Variants in CLDN2 observed in about 807,000 individuals in gnomAD.
CLDN2 encodes the protein claudin 2.
Under a neutral mutation model 8.2 loss-of-function variants are expected in CLDN2, and 1 was observed. The ratio of observed to expected loss-of-function variants is 0.12; its 90% CI spans 0.04 to 0.58. The LOEUF (loss-of-function observed/expected upper bound fraction) is 0.58, where lower values mean the gene tolerates loss of function less well. Among genes scored for constraint, CLDN2 ranks in the 20% least tolerant of loss-of-function variants. CLDN2 has a pLI of 0.90. For synonymous variants in CLDN2, 70 were observed against 70.2 expected, an observed-to-expected ratio of 1.00 and a Z score of 0.01; for missense variants, 108 against 172.9, an observed-to-expected ratio of 0.62 and a Z score of 2.11.
rs1016465854 is a variant in CLDN2 at position 106,929,016 on chromosome X, G to C, written c.*95G>C. 19 of 723,405 alleles carry C rather than the reference G, an allele frequency of 2.6e-5. No individual in the cohort carries two copies. Among genetic ancestry groups the C allele is most frequent in the Admixed American group, 2.2e-4 (7 of 31,977 alleles). 59.6% of individuals were successfully genotyped at this position (723,405 alleles called of 1,213,427 possible). A position where few individuals can be genotyped will look rare whatever the true frequency, so the allele number is the denominator to read the frequency against. On this transcript the variant is annotated 3_prime_UTR_variant, in exon 2 of 2. Coordinates refer to ENST00000336803, the MANE Select transcript of CLDN2 (RefSeq NM_020384.4). ...AGGTGAGGGACACTACCACTGGATC[G>C]TGTCAGAAGGTGCTGCTGAGGATAG...
chrX:106,912,208 G>A (rs1181901745), intron 1 of CLDN2, among the ~76,000 whole-genome samples: 4 of 110,919 alleles, frequency 3.6e-5, no homozygotes, highest in Non-Finnish European at 5.7e-5. Flanking sequence ...GCCTAGACCA[G>A]CAGCCCTAAA....
intron 1 of CLDN2, among the ~76,000 whole-genome samples, chrX:106,913,217 C>A (rs1933268298): frequency 9.0e-6 from 1 of 111,382 alleles, no homozygotes; most frequent in Admixed American, 9.5e-5. Flanking sequence ...GCCTCAACCT[C>A]CCAAGTAGCT....
intron 1 of CLDN2, among the ~76,000 whole-genome samples, chrX:106,901,280 G>A (rs185344292): frequency 1.1e-4 from 12 of 111,803 alleles, no homozygotes; most frequent in African/African-American, 3.9e-4. Flanking sequence ...TCATTCTTGG[G>A]CATCGTTAAC....
chrX:106,900,324 C>T (rs1569284378), exon 1 of CLDN2: 1 of 115,081 alleles, frequency 8.7e-6, no homozygotes, highest in Non-Finnish European at 1.8e-5. Flanking sequence ...CCTGGGAAGG[C>T]TAGGGAGTCA....
At chrX:106,912,362 T>C (rs912973638) in intron 1 of CLDN2, among the ~76,000 whole-genome samples, 1 of 110,098 alleles carries the variant, frequency 9.1e-6, no homozygotes, top group African/African-American at 3.3e-5. Flanking sequence ...GAAAAGCACT[T>C]GCACAATTGA....
intron 1 of CLDN2, among the ~76,000 whole-genome samples, chrX:106,909,450 G>A (rs1012900395): frequency 1.8e-5 from 2 of 111,427 alleles, no homozygotes; most frequent in African/African-American, 6.5e-5. Flanking sequence ...AACGTTGAAT[G>A]CCAGGTTGAA....
chrX:106,920,967 G>A (rs929204238), intron 1 of CLDN2, among the ~76,000 whole-genome samples: 1 of 111,388 alleles, frequency 9.0e-6, no homozygotes, highest in African/African-American at 3.3e-5. Context: ...GGTAGCAGAA[G>A]GTGGGTTCCT....
chrX:106,928,138 A>C lies in CLDN2; in HGVS notation c.-91A>C. 3.0e-6 allele frequency: 2 copies of C among 676,237 alleles called. No homozygotes were observed. Among genetic ancestry groups the C allele is most frequent in the Non-Finnish European group, 4.5e-6 (2 of 448,183 alleles). 55.7% of individuals were successfully genotyped at this position (676,237 alleles called of 1,213,427 possible). On this transcript the variant is annotated 5_prime_UTR_variant, in exon 2 of 2. An upstream open reading frame in the 5' UTR loses its in-frame stop. Transcript: ENST00000336803. Reference sequence around the variant, plus strand: ...AAGTCAGCCTGGCAGAGAGACTCTGAAATGAGGGATTAGAGGTGTTCAAGG... The same window carrying C: ...AAGTCAGCCTGGCAGAGAGACTCTGCAATGAGGGATTAGAGGTGTTCAAGG...
intron 1 of CLDN2, chrX:106,901,336 TG>T: frequency 1.6e-6 from 1 of 615,049 alleles, no homozygotes; most frequent in Non-Finnish European, 2.6e-6. Context: ...TTAACCTCTC[TG>T]GGCTCCAGTT....
intron 1 of CLDN2, among the ~76,000 whole-genome samples, chrX:106,927,309 C>A (rs373548152): frequency 1.3e-4 from 15 of 111,328 alleles, no homozygotes; most frequent in East Asian, 2.9e-4. Context: ...TCTTGTCCCC[C>A]CTAACAGATG....
intron 1 of CLDN2, among the ~76,000 whole-genome samples, chrX:106,927,180 G>A (rs976626940): frequency 3.6e-5 from 4 of 111,647 alleles, no homozygotes; most frequent in Non-Finnish European, 7.5e-5. Flanking sequence ...GCAACACCGA[G>A]GGCTCCTTGA....
At chrX:106,906,619 C>G (rs779472951) in intron 1 of CLDN2, among the ~76,000 whole-genome samples, 122 of 111,355 alleles carry the variant, frequency 1.1e-3, no homozygotes, top group African/African-American at 3.5e-3. Context: ...CCCACTCCCC[C>G]CTCAAACTTG....
rs1006233291 is a variant in CLDN2, at chrX:106,928,167, A to T, written c.-62A>T. 3.4e-6 allele frequency: 3 copies of T among 891,470 alleles called. No individual in the cohort carries two copies. The African/African-American group carries it at 6.0e-5, about 18-fold the overall frequency. 73.5% of individuals were successfully genotyped at this position (891,470 alleles called of 1,213,427 possible). A position where few individuals can be genotyped will look rare whatever the true frequency, so the allele number is the denominator to read the frequency against. On this transcript the variant is annotated 5_prime_UTR_variant, in exon 2 of 2. Coordinates refer to ENST00000336803, the MANE Select transcript of CLDN2 (RefSeq NM_020384.4). ...GAGGGATTAGAGGTGTTCAAGGAGC[A>T]AGAGCTTCAGCCTGAAGACAAGGGA...
At chrX:106,906,399 G>C (rs1038287749) in intron 1 of CLDN2, among the ~76,000 whole-genome samples, 1 of 111,156 alleles carries the variant, frequency 9.0e-6, no homozygotes, top group Non-Finnish European at 1.9e-5. Flanking sequence ...ATCAATCTCA[G>C]TTGACCCCAG....
upstream of CLDN2, among the ~76,000 whole-genome samples, chrX:106,917,472 A>T (rs12008279): frequency 9.1e-6 from 1 of 110,416 alleles, no homozygotes; most frequent in Admixed American, 9.6e-5. Context: ...GTCATTGGTA[A>T]CTGTGACAAG....
At chrX:106,909,350 C>A (rs1206354171) in intron 1 of CLDN2, among the ~76,000 whole-genome samples, 1 of 111,458 alleles carries the variant, frequency 9.0e-6, no homozygotes, top group Non-Finnish European at 1.9e-5. Flanking sequence ...AACCACTGCC[C>A]AGCCCTATCC....
chrX:106,923,530 C>A (rs760533806), intron 1 of CLDN2, among the ~76,000 whole-genome samples: 1 of 111,636 alleles, frequency 9.0e-6, no homozygotes, highest in Admixed American at 9.5e-5. Flanking sequence ...TTTTTGAAGG[C>A]AGACCTGATG....
At chrX:106,905,393 C>T (rs1187161851) in intron 1 of CLDN2, among the ~76,000 whole-genome samples, 1 of 112,228 alleles carries the variant, frequency 8.9e-6, no homozygotes, top group African/African-American at 3.2e-5. Flanking sequence ...TTTCTAAGTG[C>T]AAGATAGATC....
upstream of CLDN2, among the ~76,000 whole-genome samples, chrX:106,915,233 T>C (rs1198480179): frequency 8.9e-6 from 1 of 112,371 alleles, no homozygotes; most frequent in Non-Finnish European, 1.9e-5. Flanking sequence ...ATTACACAGA[T>C]GTACCAGTTT....
Sources: gnomAD v4.1 joint callset for allele counts (sites outside exome capture counted in the v4.1 genomes callset) on GRCh38, gnomAD v4.1.1 for gene constraint, MANE v1.5 for transcripts, NCBI Gene and HGNC (gene_info 2026-07-23, HGNC 2026-07-21) for gene names.